Variants in C1orf105 observed in about 807,000 individuals in gnomAD.
C1orf105 encodes uncharacterized protein C1orf105.
A neutral mutation model predicts 20.8 loss-of-function variants in C1orf105; 17 were observed. The observed-to-expected ratio is 0.82, with a 90% CI of 0.56 to 1.23. C1orf105 has a LOEUF of 1.23. Among genes scored for constraint, C1orf105 ranks in the 50% most tolerant of loss-of-function variants. C1orf105 has a pLI of 0.00. For missense variants in C1orf105, 219 were observed against 213.5 expected, an observed-to-expected ratio of 1.03 and a Z score of -0.16; for synonymous variants, 72 against 72.1, an observed-to-expected ratio of 1.00 and a Z score of 0.01.
At chr1:172,423,419 G>A (rs982390954) in intron 1 of C1orf105, among the ~76,000 whole-genome samples, 10 of 152,196 alleles carry the variant, frequency 6.6e-5, no homozygotes, top group South Asian at 4.2e-4. Flanking sequence ...GAGCCACAGC[G>A]TTACTGGGCT....
At chr1:172,442,341 C>T (rs1193521235) in intron 1 of C1orf105, 1 of 1,613,072 alleles carries the variant, frequency 6.2e-7, no homozygotes. Context: ...CATACCCAAT[C>T]AGTGAAGAAG....
intron 6 of C1orf105, among the ~76,000 whole-genome samples, chr1:172,465,842 G>C (rs1009384573): frequency 6.6e-6 from 1 of 152,200 alleles, no homozygotes; most frequent in African/African-American, 2.4e-5. Context: ...GCTGTTGATA[G>C]AAACAAGGAA....
intron 1 of C1orf105, among the ~76,000 whole-genome samples, chr1:172,430,040 A>C (rs2071827370): frequency 6.6e-6 from 1 of 152,102 alleles, no homozygotes; most frequent in Non-Finnish European, 1.5e-5. Flanking sequence ...GGAGAAGGGC[A>C]GACAGCTTCT....
chr1:172,454,698 A>G (rs559411014), intron 3 of C1orf105, among the ~76,000 whole-genome samples: 3 of 151,712 alleles, frequency 2.0e-5, no homozygotes, highest in Admixed American at 1.3e-4. Context: ...CTACCCAAGC[A>G]TTGCCTGTTT....
intron 1 of C1orf105, 34 bp from the exon 2 acceptor site, chr1:172,445,039 T>A: frequency 6.5e-7 from 1 of 1,540,576 alleles, no homozygotes; most frequent in Non-Finnish European, 9.0e-7. Context: ...TTAAGTGTGA[T>A]ATATTCTGTA....
chr1:172,448,168 A>G (rs1234540334), intron 2 of C1orf105, among the ~76,000 whole-genome samples: 2 of 152,218 alleles, frequency 1.3e-5, no homozygotes, highest in East Asian at 1.9e-4. Flanking sequence ...CTCATTACAC[A>G]TCTACTGTTG....
chr1:172,452,990 G>T lies in C1orf105; in HGVS notation c.199-3425G>T, dbSNP rs542798060. On this transcript the variant is annotated intron_variant, in intron 3 of 6. Coordinates refer to ENST00000367727, the MANE Select transcript of C1orf105 (RefSeq NM_139240.4). ...ACAGAAGAAAAAGACCAAAGACCTG[G>T]GTTTCAGGGCTGGGAAAGAAAGCAA... 8.7e-5 allele frequency: 135 copies of T among 1,549,256 alleles called. No homozygotes were observed. In the African/African-American group the frequency reaches 1.7e-3, roughly 19 times the overall value.
chr1:172,467,014 C>T (rs938061431), intron 6 of C1orf105, among the ~76,000 whole-genome samples: 3 of 152,164 alleles, frequency 2.0e-5, no homozygotes, highest in Admixed American at 6.5e-5. Context: ...CCTAGTCTTG[C>T]TATATAGGCT....
At chr1:172,459,902 G>A (rs1020977862) in intron 4 of C1orf105, among the ~76,000 whole-genome samples, 1 of 152,110 alleles carries the variant, frequency 6.6e-6, no homozygotes, top group Non-Finnish European at 1.5e-5. Flanking sequence ...CTATAACATG[G>A]ATGAACCTTG....
At chr1:172,427,120 C>T (rs2071742846) in intron 1 of C1orf105, among the ~76,000 whole-genome samples, 1 of 152,206 alleles carries the variant, frequency 6.6e-6, no homozygotes, top group Non-Finnish European at 1.5e-5. Context: ...CACACCTTTT[C>T]TCTCACTCCC....
At chr1:172,442,040 G>A (rs749059842) in intron 1 of C1orf105, 20 of 1,614,052 alleles carry the variant, frequency 1.2e-5, no homozygotes, top group Admixed American at 6.7e-5. Flanking sequence ...TGCAGGGACC[G>A]GGGAAGACGT....
At chr1:172,430,585 C>T (rs866732641) in intron 1 of C1orf105, among the ~76,000 whole-genome samples, 3 of 152,134 alleles carry the variant, frequency 2.0e-5, no homozygotes, top group Non-Finnish European at 2.9e-5. Context: ...ACCACAGGCA[C>T]GCATCACCAC....
At chr1:172,425,201 C>T (rs1224749370) in intron 1 of C1orf105, among the ~76,000 whole-genome samples, 1 of 152,152 alleles carries the variant, frequency 6.6e-6, no homozygotes, top group East Asian at 1.9e-4. Flanking sequence ...TAAGCCCTTT[C>T]CTTGGGTACT....
chr1:172,451,038 A>G (rs1648574049), intron 3 of C1orf105: 1 of 152,288 alleles, frequency 6.6e-6, no homozygotes, highest in Non-Finnish European at 1.5e-5. Context: ...GATGCTGAGA[A>G]ACAGAAAGGT....
chr1:172,422,194 G>A (rs1450241673), intron 1 of C1orf105, among the ~76,000 whole-genome samples: 1 of 152,142 alleles, frequency 6.6e-6, no homozygotes, highest in Non-Finnish European at 1.5e-5. Context: ...CCAACCCCAG[G>A]CAACACAGCT....
chr1:172,442,751 C>T lies in C1orf105; in HGVS notation c.22-2322C>T, dbSNP rs1239398750. 10 of 810,610 alleles carry T rather than the reference C, an allele frequency of 1.2e-5. No homozygotes were observed. In the East Asian group the frequency reaches 2.2e-4, roughly 18 times the overall value. The allele number at this position is 810,610 out of a possible 1,614,324, so 50.2% of individuals were successfully genotyped here. ...CCATGCTGTGTTGATGTTCTACCAA[C>T]CTTTCCTTGTTTTCAAAGGCAGGGG... On this transcript the variant is annotated intron_variant, in intron 1 of 6. Coordinates refer to ENST00000367727, the MANE Select transcript of C1orf105 (RefSeq NM_139240.4).
intron 1 of C1orf105, among the ~76,000 whole-genome samples, chr1:172,440,900 T>C (rs1294387954): frequency 6.6e-6 from 1 of 152,226 alleles, no homozygotes; most frequent in Non-Finnish European, 1.5e-5. Flanking sequence ...CAATAGCAGG[T>C]GTCTCCATTG....
At chr1:172,459,112 A>G (rs1198930878) in intron 4 of C1orf105, among the ~76,000 whole-genome samples, 2 of 152,192 alleles carry the variant, frequency 1.3e-5, no homozygotes, top group Non-Finnish European at 2.9e-5. Context: ...ATAGGTATAA[A>G]GCTTCATGAC....
chr1:172,466,103 A>G (rs991809207), intron 6 of C1orf105, among the ~76,000 whole-genome samples: 1 of 152,224 alleles, frequency 6.6e-6, no homozygotes, highest in African/African-American at 2.4e-5. Flanking sequence ...CACTCTATAC[A>G]TATGGAAAAA....
Sources: gnomAD v4.1 joint callset for allele counts (sites outside exome capture counted in the v4.1 genomes callset) on GRCh38, gnomAD v4.1.1 for gene constraint, MANE v1.5 for transcripts, NCBI Gene and HGNC (gene_info 2026-07-23, HGNC 2026-07-21) for gene names.